Variants in NARS2 observed in about 807,000 individuals in gnomAD.
The protein encoded by NARS2 is asparaginyl-tRNA synthetase 2, mitochondrial.
A neutral mutation model predicts 62.9 loss-of-function variants in NARS2; 60 were observed. That is an observed-to-expected ratio of 0.95 (90% CI 0.77 to 1.18). NARS2 has a LOEUF of 1.18. Ranked by LOEUF, NARS2 falls within the 50% of genes most tolerant of loss-of-function variation. The pLI is 0.00. For missense variants in NARS2, 619 were observed against 576.4 expected (o/e 1.07, Z -0.76); for synonymous variants, 196 against 200.0 (o/e 0.98, Z 0.17).
At position 78,465,956 on chromosome 11, in the gene NARS2, T is replaced by G. The variant is rs1442318908; in HGVS notation, c.1084A>C (p.Ile362Leu). 1 of 1,613,898 alleles carries G rather than the reference T, an allele frequency of 6.2e-7. No individual in the cohort carries two copies. Among genetic ancestry groups the G allele is most frequent in the Non-Finnish European group, 8.5e-7 (1 of 1,179,954 alleles). The change falls in exon 11 of 14, where the codon ATA becomes CTA. Residue 362 changes from isoleucine (I) to leucine (L), a missense_variant. Physicochemically the swap from Ile to Leu is conservative, Grantham distance 5 (BLOSUM62 2). Transcript: ENST00000281038. ...EKYLVKHCGN[I>L]PVFVINYPLT... ...GGATAATTAATAACGAAGACAGGTATGTTGCCACAGTGCTTCACCAGGTAC... is the reference window on the plus strand; with the variant it reads ...GGATAATTAATAACGAAGACAGGTAGGTTGCCACAGTGCTTCACCAGGTAC...
intron 5 of NARS2, among the ~76,000 whole-genome samples, chr11:78,532,250 C>T (rs116059531): frequency 0.011 from 1,641 of 151,872 alleles, 34 homozygotes; most frequent in African/African-American, 0.039. Context: ...AAATTGCCAA[C>T]GATAAAAGGA....
intron 5 of NARS2, among the ~76,000 whole-genome samples, chr11:78,538,553 T>A (rs373775542): frequency 1.1e-4 from 17 of 152,114 alleles, no homozygotes; most frequent in South Asian, 6.2e-4. Context: ...AAGATAAGAA[T>A]GTATCTGCTA....
intron 7 of NARS2, among the ~76,000 whole-genome samples, chr11:78,485,113 T>C (rs540977224): frequency 6.6e-6 from 1 of 152,360 alleles, no homozygotes; most frequent in African/African-American, 2.4e-5. Context: ...GAAGCCATCA[T>C]TCTAGGCAAA....
Position 78,478,694 on chromosome 11 carries a change from T to A in NARS2, c.823-11A>T. The A allele has an allele frequency of 1.3e-6, 2 of 1,555,876 alleles. No individual in the cohort carries two copies. Among genetic ancestry groups the A allele is most frequent in the Non-Finnish European group, 1.8e-6 (2 of 1,137,204 alleles). On this transcript the variant is annotated splice_polypyrimidine_tract_variant and intron_variant, in intron 7 of 13. Coordinates refer to ENST00000281038, the MANE Select transcript of NARS2 (RefSeq NM_024678.6). ...CAGTTCCTCTATAACCTAAGAGAAA[T>A]GAAATAGAATCACCTGACACGTAAG...
At chr11:78,443,639 T>C (rs1421008326) in intron 12 of NARS2, 22 bp downstream of exon 12, 1 of 1,563,976 alleles carries the variant, frequency 6.4e-7, no homozygotes. Context: ...TCAATTGTGT[T>C]TCTTTTAGGT....
At chr11:78,474,246 GA>G (rs573400919) in intron 9 of NARS2, among the ~76,000 whole-genome samples, 26 of 152,004 alleles carry the variant, frequency 1.7e-4, no homozygotes, top group Non-Finnish European at 3.7e-4. Context: ...TATAGATGAG[GA>G]AACTGAAGTT....
At chr11:78,439,717 A>G (rs1857517761) in intron 13 of NARS2, among the ~76,000 whole-genome samples, 1 of 152,186 alleles carries the variant, frequency 6.6e-6, no homozygotes, top group South Asian at 2.1e-4. Flanking sequence ...ATCTCCTTCC[A>G]TACCAAAAGG....
At chr11:78,568,869 G>A in intron 2 of NARS2, 117 bp from the exon 3 acceptor site, 1 of 729,312 alleles carries the variant, frequency 1.4e-6, no homozygotes, top group South Asian at 2.5e-5. Context: ...ACCCTTATTG[G>A]GTTAAATAAT....
chr11:78,463,508 A>AAACCCTG (rs1187912663), intron 11 of NARS2, among the ~76,000 whole-genome samples: 1 of 152,140 alleles, frequency 6.6e-6, no homozygotes, highest in Non-Finnish European at 1.5e-5. Flanking sequence ...CAACATGGTG[A>AAACCCTG]AACCCTGTCT....
At chr11:78,526,765 T>G (rs745703235) in intron 6 of NARS2, among the ~76,000 whole-genome samples, 1 of 152,084 alleles carries the variant, frequency 6.6e-6, no homozygotes, top group Non-Finnish European at 1.5e-5. Flanking sequence ...AAACAAACAT[T>G]TGCTAAGTTT....
At chr11:78,444,136 C>T (rs1857669439) in intron 11 of NARS2, 1 of 156,932 alleles carries the variant, frequency 6.4e-6, no homozygotes, top group Admixed American at 6.3e-5. Context: ...ACTTGTCTTA[C>T]CTAATATTAC....
chr11:78,559,174 G>C (rs1418676086), intron 5 of NARS2, among the ~76,000 whole-genome samples: 1 of 151,776 alleles, frequency 6.6e-6, no homozygotes, highest in Non-Finnish European at 1.5e-5. Flanking sequence ...CTGGTGGCAG[G>C]CACCTGTAGT....
chr11:78,498,048 A>T (rs1860132647), intron 6 of NARS2, among the ~76,000 whole-genome samples: 2 of 152,216 alleles, frequency 1.3e-5, no homozygotes, highest in Non-Finnish European at 2.9e-5. Context: ...AGGTTAGCTA[A>T]CCATCTGAGG....
intron 10 of NARS2, among the ~76,000 whole-genome samples, chr11:78,467,975 T>G (rs1161369371): frequency 1.3e-5 from 2 of 151,250 alleles, no homozygotes; most frequent in Non-Finnish European, 2.9e-5. Flanking sequence ...TCTTAAAGTG[T>G]TGGGATTACA....
At chr11:78,468,064 T>G (rs923279957) in intron 10 of NARS2, among the ~76,000 whole-genome samples, 3 of 150,034 alleles carry the variant, frequency 2.0e-5, no homozygotes, top group African/African-American at 7.4e-5. Context: ...AAAAGAATTC[T>G]TGGCTGGGTA....
At chr11:78,453,107 C>G (rs1426627171) in intron 11 of NARS2, among the ~76,000 whole-genome samples, 1 of 152,216 alleles carries the variant, frequency 6.6e-6, no homozygotes, top group East Asian at 1.9e-4. Context: ...CGTTGGGAGG[C>G]TTGAACTAAG....
In NARS2 at chr11:78,447,412, T is replaced by C. The variant is rs185471813; in HGVS notation, c.1165-3654A>G. Among the ~76,000 whole-genome samples, 8 of 152,224 alleles carry C rather than the reference T, an allele frequency of 5.3e-5. No individual in the cohort carries two copies. The East Asian group carries it at 1.5e-3, about 29-fold the overall frequency. ...ATACACTGTTGGTGGGAATGTAAAT[T>C]AGTACCGTCATTATGAGAAATGGTA... On this transcript the variant is annotated intron_variant, in intron 11 of 13. Transcript: ENST00000281038.
chr11:78,539,310 T>G (rs368999015), intron 5 of NARS2, among the ~76,000 whole-genome samples: 115 of 151,994 alleles, frequency 7.6e-4, no homozygotes, highest in Non-Finnish European at 1.4e-3. Flanking sequence ...ATGTTAAAGA[T>G]GAGCCAACAA....
chr11:78,530,484 T>C (rs911441462), intron 5 of NARS2, among the ~76,000 whole-genome samples: 3 of 152,180 alleles, frequency 2.0e-5, no homozygotes, highest in African/African-American at 7.2e-5. Flanking sequence ...ATTTATTTAT[T>C]TATTTTTGAG....
Sources: allele counts gnomAD v4.1 joint callset (sites outside exome capture counted in the v4.1 genomes callset), GRCh38; gene constraint gnomAD v4.1.1; transcripts MANE v1.5; gene names NCBI Gene and HGNC (gene_info 2026-07-23, HGNC 2026-07-21).